Variants in GLB1L2 observed in about 807,000 individuals in gnomAD.
GLB1L2 encodes the protein galactosidase beta 1 like 2, also known as beta-galactosidase-1-like protein 2.
A neutral mutation model predicts 84.1 loss-of-function variants in GLB1L2; 68 were observed. The ratio of observed to expected loss-of-function variants is 0.81; its 90% CI spans 0.67 to 0.99. The LOEUF (loss-of-function observed/expected upper bound fraction) is 0.99, where lower values mean the gene tolerates loss of function less well. Among genes scored for constraint, GLB1L2 ranks in the 50% least tolerant of loss-of-function variants. The pLI, the probability that GLB1L2 is intolerant of heterozygous loss-of-function variation, is 0.00. For missense variants in GLB1L2, 762 were observed against 805.6 expected (o/e 0.95, Z 0.66); for synonymous variants, 290 against 318.0 (o/e 0.91, Z 0.94).
In GLB1L2 at chr11:134,338,901, G is replaced by A. The variant is rs577600735; in HGVS notation, c.87-3853G>A. Among the ~76,000 whole-genome samples the A allele has an allele frequency of 7.9e-5, 12 of 152,148 alleles. No individual in the cohort carries two copies. Among genetic ancestry groups the A allele is most frequent in the Non-Finnish European group, 1.2e-4 (8 of 68,028 alleles). On this transcript the variant is annotated intron_variant, in intron 1 of 18. Transcript: ENST00000535456. This position sits in a 1 kb window ranked among gnomAD's most constrained non-coding sequence, Gnocchi z 6.2. ...ACCCTCTCCATCCAGGTGGAGGAGC[G>A]GAGCCTGACTCTGAGCAGAGCAGAC...
chr11:134,343,084 C>T (rs1565434189), intron 2 of GLB1L2, 133 bp downstream of exon 2: 1 of 866,016 alleles, frequency 1.2e-6, no homozygotes, highest in Admixed American at 2.9e-5. Context: ...CCCTCCTCCT[C>T]CCCACCACAG....
At chr11:134,343,778 C>T (rs895081706) in intron 2 of GLB1L2, among the ~76,000 whole-genome samples, 6 of 152,204 alleles carry the variant, frequency 3.9e-5, no homozygotes, top group African/African-American at 1.2e-4. Flanking sequence ...AGGCAGAGCT[C>T]GTGTGTCTGG....
chr11:134,374,564 T>A, intron 17 of GLB1L2, 38 bp from the exon 18 acceptor site: 1 of 1,508,762 alleles, frequency 6.6e-7, no homozygotes, highest in Non-Finnish European at 9.2e-7. Flanking sequence ...TTGCTGTGGC[T>A]CTCGTGGTAG....
chr11:134,374,390 C>A, intron 17 of GLB1L2, 134 bp downstream of exon 17: 1 of 804,146 alleles, frequency 1.2e-6, no homozygotes, highest in South Asian at 1.6e-5. Flanking sequence ...GCCGCTGGGG[C>A]CTCCCTGGGC....
chr11:134,341,056 C>T (rs963604228), intron 1 of GLB1L2, among the ~76,000 whole-genome samples: 2 of 152,160 alleles, frequency 1.3e-5, no homozygotes, highest in Non-Finnish European at 2.9e-5. Context: ...AAGTCTAGCA[C>T]ATAAGCTATA....
At chr11:134,366,397 G>C (rs1477438314) in intron 8 of GLB1L2, among the ~76,000 whole-genome samples, 1 of 152,180 alleles carries the variant, frequency 6.6e-6, no homozygotes, top group Non-Finnish European at 1.5e-5. Context: ...CATCCCCCTG[G>C]ATCAGATTTT....
At chr11:134,369,493 G>A (rs117580238) in intron 10 of GLB1L2, among the ~76,000 whole-genome samples, 5,556 of 130,984 alleles carry the variant, frequency 0.042, 115 homozygotes, top group Middle Eastern at 0.087. Flanking sequence ...CTGCACAAGC[G>A]ATCCTCTTGC....
intron 8 of GLB1L2, chr11:134,366,982 C>T: frequency 2.1e-6 from 1 of 469,788 alleles, no homozygotes; most frequent in Non-Finnish European, 3.9e-6. Context: ...TTCTTGCTAA[C>T]ACGTATGCAA....
Position 134,374,276 on chromosome 11 carries a change from C to A in GLB1L2, c.1707+20C>A. 6.5e-7 allele frequency: 1 copy of A among 1,544,984 alleles called. No individual in the cohort carries two copies. Among genetic ancestry groups the A allele is most frequent in the Non-Finnish European group, 9.0e-7 (1 of 1,117,088 alleles). The stretch of plus-strand genomic sequence containing the variant: ...CTGGAGGTTGGTAACGCCCTTTTCC[C>A]TGCCAGTTTCTCCCACCTGCCTCCC... On this transcript the variant is annotated intron_variant, in intron 17 of 18. Transcript: ENST00000535456.
At chr11:134,367,137 T>G in intron 8 of GLB1L2, 120 bp from the exon 9 acceptor site, 1 of 876,902 alleles carries the variant, frequency 1.1e-6, no homozygotes. Context: ...TCTAAGGCAG[T>G]GGGTATGCAG....
chr11:134,356,981 T>C (rs751057832), intron 6 of GLB1L2, among the ~76,000 whole-genome samples: 1 of 152,238 alleles, frequency 6.6e-6, no homozygotes, highest in Non-Finnish European at 1.5e-5. Flanking sequence ...ACCTCCTTTC[T>C]CTCTTCTATA....
chr11:134,348,823 G>A (rs1435177762), intron 5 of GLB1L2, among the ~76,000 whole-genome samples: 1 of 152,156 alleles, frequency 6.6e-6, no homozygotes, highest in Admixed American at 6.5e-5. Context: ...GTGTCTGGAA[G>A]GGCCCCCTTC....
chr11:134,346,199 T>C (rs528623629), intron 4 of GLB1L2, among the ~76,000 whole-genome samples: 1 of 152,252 alleles, frequency 6.6e-6, no homozygotes, highest in East Asian at 1.9e-4. Context: ...ATAGCTTCTG[T>C]CTCCACTACC....
At position 134,375,108 on chromosome 11, in the gene GLB1L2, T is replaced by C. The variant is rs766536062; in HGVS notation, c.*50T>C. 6.7e-7 allele frequency: 1 copy of C among 1,496,466 alleles called. No individual in the cohort carries two copies. The highest frequency in any genetic ancestry group is 9.2e-7 in the Non-Finnish European group (1 of 1,081,796). The allele number at this position is 1,496,466 out of a possible 1,614,324, so 92.7% of individuals were successfully genotyped here. ...GCCAGTGGGAGACTGCCGCCTCCTC[T>C]TGACCTGAAGCCTGGTGGCTGCTGC... is the stretch of plus-strand genomic sequence containing the variant. On this transcript the variant is annotated 3_prime_UTR_variant, in exon 19 of 19. Coordinates refer to ENST00000535456, the MANE Select transcript of GLB1L2 (RefSeq NM_001370461.1).
rs1943943118 is a variant in GLB1L2 at position 134,370,857 on chromosome 11, G to A, written c.1216-151G>A. 1 of 858,064 alleles carries A rather than the reference G, an allele frequency of 1.2e-6. No individual in the cohort carries two copies. The highest frequency in any genetic ancestry group is 1.8e-6 in the Non-Finnish European group (1 of 541,180). The allele number at this position is 858,064 out of a possible 1,614,324, so 53.2% of individuals were successfully genotyped here. On this transcript the variant is annotated intron_variant, in intron 12 of 18. Coordinates refer to ENST00000535456, the MANE Select transcript of GLB1L2 (RefSeq NM_001370461.1). The surrounding 1 kb of genome is among the most constrained non-coding windows in gnomAD (Gnocchi z 4.7). Reference sequence around the variant, plus strand: ...CCCCACTCCTCTTCCCCGTCACCCTGGAGAGTTGTATGTTTAGTGCAATGA... The same window carrying A: ...CCCCACTCCTCTTCCCCGTCACCCTAGAGAGTTGTATGTTTAGTGCAATGA...
chr11:134,347,190 G>A, intron 4 of GLB1L2, 135 bp from the exon 5 acceptor site: 1 of 724,952 alleles, frequency 1.4e-6, no homozygotes, highest in South Asian at 1.6e-5. Context: ...CCACTTCTGG[G>A]CTCAGTGGGG....
In GLB1L2 at chr11:134,332,099, C is replaced by A; in HGVS notation, c.38C>A (p.Thr13Lys). The change falls in exon 1 of 19, where the codon ACG (threonine) becomes AAG (lysine). Residue 13 changes from threonine (T) to lysine (K), a missense_variant. This residue lies in a region of GLB1L2 where 100 missense variants were observed against 88.8 expected (regional missense o/e 1.13). Coordinates refer to ENST00000535456, the MANE Select transcript of GLB1L2 (RefSeq NM_001370461.1). Reference protein sequence around the residue: ...TWSLRRRPARTLGLLLLVVLG... With the variant: ...TWSLRRRPARKLGLLLLVVLG... ...AGCCTCCGGCGGAGGCCGGCCCGCACGCTGGGACTCCTGCTGCTGGTCGTC... is the reference window on the plus strand; with the variant it reads ...AGCCTCCGGCGGAGGCCGGCCCGCAAGCTGGGACTCCTGCTGCTGGTCGTC... 3 of 1,590,890 alleles carry A rather than the reference C, an allele frequency of 1.9e-6. No individual in the cohort carries two copies. The highest frequency in any genetic ancestry group is 2.6e-6 in the Non-Finnish European group (3 of 1,170,600).
chr11:134,333,125 T>A (rs922314665), intron 1 of GLB1L2, among the ~76,000 whole-genome samples: 1 of 152,182 alleles, frequency 6.6e-6, no homozygotes, highest in Non-Finnish European at 1.5e-5. Flanking sequence ...TGGAAGTCCT[T>A]TGTGGCCAGA....
At chr11:134,352,267 C>T (rs1182369935) in intron 5 of GLB1L2, among the ~76,000 whole-genome samples, 2 of 152,042 alleles carry the variant, frequency 1.3e-5, no homozygotes, top group Non-Finnish European at 2.9e-5. Context: ...CTTCTGTAAT[C>T]GTTTTTATTT....
Sources: allele counts gnomAD v4.1 joint callset (sites outside exome capture counted in the v4.1 genomes callset), GRCh38; gene constraint gnomAD v4.1.1; regional missense constraint gnomAD v4.1.1; non-coding constraint Gnocchi (gnomAD v3.1); transcripts MANE v1.5; gene names NCBI Gene and HGNC (gene_info 2026-07-23, HGNC 2026-07-21).